FAM135B: variants seen among roughly 807,000 people sequenced by gnomAD.
FAM135B encodes protein FAM135B.
FAM135B carries 43 observed loss-of-function variants against 127.7 expected under a neutral mutation model. The ratio of observed to expected loss-of-function variants is 0.34; its 90% CI spans 0.26 to 0.43. FAM135B has a LOEUF of 0.43. FAM135B is among the 20% of genes least tolerant of loss of function. FAM135B has a pLI of 1.00. For synonymous variants in FAM135B, 670 were observed against 665.1 expected, an observed-to-expected ratio of 1.01 and a Z score of -0.11; for missense variants, 1,558 against 1,725.6, an observed-to-expected ratio of 0.90 and a Z score of 1.72.
chr8:138,169,946 T>G (rs1178896766), intron 11 of FAM135B, among the ~76,000 whole-genome samples: 2 of 152,298 alleles, frequency 1.3e-5, no homozygotes, highest in East Asian at 3.9e-4. Context: ...TAGCAAGTGT[T>G]GAAAAACTGA....
At chr8:138,394,930 A>G (rs2131341580) in intron 1 of FAM135B, among the ~76,000 whole-genome samples, 1 of 152,284 alleles carries the variant, frequency 6.6e-6, no homozygotes, top group South Asian at 2.1e-4. Flanking sequence ...GGCCAAAGGG[A>G]GGGGAACACA....
chr8:138,299,017 G>A lies in FAM135B; in HGVS notation c.157+11824C>T, dbSNP rs1424198657. On this transcript the variant is annotated intron_variant, in intron 3 of 19. Transcript: ENST00000395297. ...GGAGGTTGCAATGAGCCGAGATCGC[G>A]CCACCGCACTCCAGCCTGGGCGATA... is the stretch of plus-strand genomic sequence containing the variant. Among the ~76,000 whole-genome samples, 9 of 150,582 alleles carry A rather than the reference G, an allele frequency of 6.0e-5. No individual in the cohort carries two copies. The East Asian group carries it at 9.8e-4, about 16-fold the overall frequency.
intron 7 of FAM135B, among the ~76,000 whole-genome samples, chr8:138,222,189 A>G (rs770839537): frequency 2.6e-5 from 4 of 152,164 alleles, no homozygotes; most frequent in Non-Finnish European, 5.9e-5. Context: ...CAGAGAAGCC[A>G]TGTAAGTAAG....
chr8:138,330,214 A>T (rs2130989181), intron 2 of FAM135B, among the ~76,000 whole-genome samples: 1 of 152,238 alleles, frequency 6.6e-6, no homozygotes. Flanking sequence ...TGTCTTCCTT[A>T]ACCTGTAATC....
intron 1 of FAM135B, among the ~76,000 whole-genome samples, chr8:138,487,577 G>A (rs1815028110): frequency 6.6e-6 from 1 of 151,526 alleles, no homozygotes; most frequent in African/African-American, 2.4e-5. Flanking sequence ...CAGCATGGTG[G>A]GTGGGAGCTG....
intron 1 of FAM135B, among the ~76,000 whole-genome samples, chr8:138,451,781 C>A (rs918742717): frequency 2.0e-5 from 3 of 152,094 alleles, no homozygotes; most frequent in Admixed American, 2.0e-4. Flanking sequence ...CCCAACAGTG[C>A]CTGACACAGA....
intron 7 of FAM135B, among the ~76,000 whole-genome samples, chr8:138,219,144 T>A (rs1033813104): frequency 6.6e-6 from 1 of 152,226 alleles, no homozygotes; most frequent in East Asian, 1.9e-4. Context: ...TGTTCATAGA[T>A]GGATCTTTTA....
intron 1 of FAM135B, among the ~76,000 whole-genome samples, chr8:138,377,693 G>A (rs963678637): frequency 2.0e-5 from 3 of 152,190 alleles, no homozygotes; most frequent in Admixed American, 2.0e-4. Flanking sequence ...CAGGATACCA[G>A]AGCACACATG....
chr8:138,186,260 T>C (rs1330963961), intron 9 of FAM135B, among the ~76,000 whole-genome samples: 1 of 152,198 alleles, frequency 6.6e-6, no homozygotes, highest in East Asian at 1.9e-4. Context: ...TGCAAGTAAG[T>C]CCTGCTTGGT....
At chr8:138,457,231 G>A (rs933555277) in intron 1 of FAM135B, among the ~76,000 whole-genome samples, 2 of 152,132 alleles carry the variant, frequency 1.3e-5, no homozygotes, top group Non-Finnish European at 2.9e-5. Context: ...GTGTGGAGGT[G>A]TGGGAAACGG....
chr8:138,325,640 G>A (rs1827755225), intron 2 of FAM135B, among the ~76,000 whole-genome samples: 1 of 152,150 alleles, frequency 6.6e-6, no homozygotes, highest in Non-Finnish European at 1.5e-5. Context: ...AGGGAAGAAT[G>A]ACCTCTATAA....
chr8:138,419,927 G>A (rs1286892241), intron 1 of FAM135B, among the ~76,000 whole-genome samples: 3 of 151,904 alleles, frequency 2.0e-5, no homozygotes, highest in African/African-American at 7.3e-5. Context: ...ATCACACCTA[G>A]GGGAACCAGA....
chr8:138,393,217 G>A lies in FAM135B; in HGVS notation c.-19-25215C>T, dbSNP rs1169951142. ...CTCCCACAACACGTGGGAATTATGG[G>A]TGTACAATTCAAGATGAGATTTGGT... is the stretch of plus-strand genomic sequence containing the variant. On this transcript the variant is annotated intron_variant, in intron 1 of 19. Coordinates refer to ENST00000395297, the MANE Select transcript of FAM135B (RefSeq NM_015912.4). 2.0e-5 allele frequency among the ~76,000 whole-genome samples: 3 copies of A among 152,150 alleles called. No individual in the cohort carries two copies. The South Asian group carries it at 6.2e-4, about 32-fold the overall frequency.
chr8:138,146,700 A>G lies in FAM135B; in HGVS notation c.3449-650T>C, dbSNP rs144312649. Among the ~76,000 whole-genome samples the G allele has an allele frequency of 4.1e-3, 627 of 151,114 alleles. 7 individuals are homozygous for G. Among genetic ancestry groups the G allele is most frequent in the African/African-American group, 0.014 (591 of 41,184 alleles). ...GCATTCCCAAAATAAAAGTCATGTG[A>G]AAAAAAAATGGATTTACTACGACAG... is the stretch of plus-strand genomic sequence containing the variant. On this transcript the variant is annotated intron_variant, in intron 14 of 19. Coordinates refer to ENST00000395297, the MANE Select transcript of FAM135B (RefSeq NM_015912.4).
intron 6 of FAM135B, among the ~76,000 whole-genome samples, chr8:138,247,213 G>A (rs1187401474): frequency 2.6e-5 from 4 of 152,176 alleles, no homozygotes; most frequent in Admixed American, 2.6e-4. Context: ...AGAAAGGCAT[G>A]ATTGTGTTTT....
intron 14 of FAM135B, among the ~76,000 whole-genome samples, chr8:138,146,761 T>G (rs9644495): frequency 0.11 from 17,210 of 152,224 alleles, 1,106 homozygotes; most frequent in East Asian, 0.24. Flanking sequence ...AGGCATAAAT[T>G]TAATGCTGGC....
intron 5 of FAM135B, 25 bp from the exon 6 acceptor site, chr8:138,251,039 C>T (rs769969119): frequency 1.8e-5 from 29 of 1,612,192 alleles, no homozygotes; most frequent in Middle Eastern, 3.4e-4. Flanking sequence ...TGTGAGCTCA[C>T]GTGAGAAATG....
At chr8:138,334,723 T>G (rs1587127524) in intron 2 of FAM135B, among the ~76,000 whole-genome samples, 2 of 152,228 alleles carry the variant, frequency 1.3e-5, no homozygotes, top group African/African-American at 4.8e-5. Context: ...GAACATGATC[T>G]TGTTCTTTTT....
chr8:138,425,431 C>T (rs1834786219), intron 1 of FAM135B: 1 of 152,162 alleles, frequency 6.6e-6, no homozygotes, highest in African/African-American at 2.4e-5. Flanking sequence ...AGTAAGGCTT[C>T]TCACCAATAA....
Sources: gnomAD v4.1 joint callset for allele counts (sites outside exome capture counted in the v4.1 genomes callset) on GRCh38, gnomAD v4.1.1 for gene constraint, MANE v1.5 for transcripts, NCBI Gene and HGNC (gene_info 2026-07-23, HGNC 2026-07-21) for gene names.